RIC1: variants seen among roughly 807,000 people sequenced by gnomAD.
RIC1 encodes RIC1 partner of RAB6A GEF complex, also known as guanine nucleotide exchange factor subunit RIC1.
RIC1 carries 88 observed loss-of-function variants against 169.0 expected under a neutral mutation model. The observed-to-expected ratio is 0.52, with a 90% CI of 0.44 to 0.62. RIC1 has a LOEUF of 0.62. Ranked by LOEUF, RIC1 falls within the 20% of genes least tolerant of loss-of-function variation. The probability of loss-of-function intolerance (pLI) is 0.00; values close to 1 mark genes in which losing one functional copy is unlikely to be tolerated. For missense variants in RIC1, 1,877 were observed against 1,725.5 expected (o/e 1.09, Z -1.56); for synonymous variants, 790 against 601.5 (o/e 1.31, Z -4.59).
intron 2 of RIC1, among the ~76,000 whole-genome samples, chr9:5,674,034 C>T (rs2130588595): frequency 6.6e-6 from 1 of 152,218 alleles, no homozygotes; most frequent in Non-Finnish European, 1.5e-5. Context: ...GTTACATTAG[C>T]AGGCATTTAC....
chr9:5,690,955 A>G (rs185639177), intron 3 of RIC1, among the ~76,000 whole-genome samples: 2 of 152,040 alleles, frequency 1.3e-5, no homozygotes, highest in East Asian at 3.9e-4. Flanking sequence ...GTTAAATAAA[A>G]TAAACCCAAA....
chr9:5,651,351 G>T (rs1410010851), intron 1 of RIC1, among the ~76,000 whole-genome samples: 16 of 151,382 alleles, frequency 1.1e-4, no homozygotes, highest in African/African-American at 3.9e-4. Context: ...ACTCCTCCCT[G>T]TTTGGGTTTT....
Position 5,763,954 on chromosome 9 carries a change from G to A in RIC1, c.2841+86G>A. On this transcript the variant is annotated intron_variant, in intron 19 of 25. Transcript: ENST00000414202. The surrounding 1 kb of genome is among the most constrained non-coding windows in gnomAD (Gnocchi z 5.2). ...AATGTCCTGTTTTGACACCATGATT[G>A]TGTTTAAGGAATTCATAGTCAAATT... 7.1e-7 allele frequency: 1 copy of A among 1,415,152 alleles called. No homozygotes were observed. Among genetic ancestry groups the A allele is most frequent in the Non-Finnish European group, 9.5e-7 (1 of 1,048,464 alleles). The allele number at this position is 1,415,152 out of a possible 1,614,324, so 87.7% of individuals were successfully genotyped here. A position where few individuals can be genotyped will look rare whatever the true frequency, so the allele number is the denominator to read the frequency against.
At chr9:5,638,843 G>A (rs1818100412) in intron 1 of RIC1, among the ~76,000 whole-genome samples, 4 of 151,942 alleles carry the variant, frequency 2.6e-5, no homozygotes, top group South Asian at 4.2e-4. Context: ...TATTATTTCT[G>A]TTACTAATTT....
intron 12 of RIC1, among the ~76,000 whole-genome samples, chr9:5,752,737 A>G (rs957340906): frequency 6.6e-6 from 1 of 152,150 alleles, no homozygotes; most frequent in African/African-American, 2.4e-5. Flanking sequence ...CACCTGGCCT[A>G]AGCATTGCTG....
At chr9:5,660,438 A>G (rs1012124829) in intron 2 of RIC1, among the ~76,000 whole-genome samples, 2 of 152,218 alleles carry the variant, frequency 1.3e-5, no homozygotes, top group Admixed American at 6.5e-5. Flanking sequence ...ACTGTCTTCC[A>G]TAATGGTTGA....
In RIC1 at chr9:5,682,361, C is replaced by G. The variant is rs1426099647; in HGVS notation, c.253-7598C>G. On this transcript the variant is annotated intron_variant, in intron 2 of 25. Transcript: ENST00000414202. The stretch of plus-strand genomic sequence containing the variant: ...TCTTTTAAGGCAGGCCTGGTGGGGA[C>G]AAAATCTCTCAGCATTTGCCTGTCT... 5.3e-5 allele frequency among the ~76,000 whole-genome samples: 8 copies of G among 152,290 alleles called. No individual in the cohort carries two copies. The South Asian group carries it at 1.7e-3, about 32-fold the overall frequency.
intron 2 of RIC1, among the ~76,000 whole-genome samples, chr9:5,676,918 A>G (rs917099568): frequency 2.0e-5 from 3 of 152,226 alleles, no homozygotes; most frequent in African/African-American, 7.2e-5. Context: ...TGGTTTATCC[A>G]TTCATCTGTT....
rs368127614 is a variant in RIC1 at position 5,772,199 on chromosome 9, T to C, written c.3617-365T>C. Among the ~76,000 whole-genome samples, 34 of 152,324 alleles carry C rather than the reference T, an allele frequency of 2.2e-4. 1 individual carries two copies. In the East Asian group the frequency reaches 6.2e-3, roughly 28 times the overall value. ...ATGGAAGAAATTTGGTTTTGTGGAT[T>C]TTCTCACAATAATGATTTTGCTTAT... On this transcript the variant is annotated intron_variant, in intron 23 of 25. Transcript: ENST00000414202.
intron 17 of RIC1, among the ~76,000 whole-genome samples, chr9:5,762,003 C>A (rs1032418449): frequency 6.6e-6 from 1 of 152,198 alleles, no homozygotes; most frequent in Non-Finnish European, 1.5e-5. Flanking sequence ...GTAGTGGCTT[C>A]TTTCCTGCTG....
intron 15 of RIC1, among the ~76,000 whole-genome samples, chr9:5,755,899 G>C (rs969420135): frequency 2.0e-5 from 3 of 151,226 alleles, no homozygotes; most frequent in Non-Finnish European, 2.9e-5. Flanking sequence ...CTCCAGCCTG[G>C]GCAACAGAGT....
At chr9:5,777,349 G>C (rs1364501774), downstream of RIC1, among the ~76,000 whole-genome samples, 1 of 149,142 alleles carries the variant, frequency 6.7e-6, no homozygotes, top group South Asian at 2.1e-4. Context: ...TTGAAGGGGA[G>C]GATCTAATTC....
At chr9:5,758,722 CTTT>C (rs754931692) in intron 17 of RIC1, among the ~76,000 whole-genome samples, 1 of 98,420 alleles carries the variant, frequency 1.0e-5, no homozygotes, top group Non-Finnish European at 2.2e-5. Flanking sequence ...GGTCTCCCTT[CTTT>C]TTTTTTTTTT....
chr9:5,771,543 C>T (rs1827221671), intron 23 of RIC1, among the ~76,000 whole-genome samples: 1 of 151,992 alleles, frequency 6.6e-6, no homozygotes, highest in Non-Finnish European at 1.5e-5. Flanking sequence ...TATATATATC[C>T]AGAAATGGGA....
intron 1 of RIC1, among the ~76,000 whole-genome samples, chr9:5,655,727 G>A (rs749875461): frequency 1.1e-4 from 17 of 152,118 alleles, no homozygotes; most frequent in East Asian, 9.6e-4. Context: ...TTTGAATGCC[G>A]AACCAGGCTT....
In RIC1 at chr9:5,669,245, A is replaced by C. The variant is rs113773577; in HGVS notation, c.252+12555A>C. Among the ~76,000 whole-genome samples, 765 of 152,262 alleles carry C rather than the reference A, an allele frequency of 5.0e-3. 8 individuals carry two copies. The highest frequency in any genetic ancestry group is 0.017 in the African/African-American group (723 of 41,534). On this transcript the variant is annotated intron_variant, in intron 2 of 25. Transcript: ENST00000414202. ...TGCACCCATCACCCAAGCAGTGTAC[A>C]CTGTGTACCCAATTTGTAGTCTTTT...
At chr9:5,737,269 G>A (rs984086881) in intron 7 of RIC1, among the ~76,000 whole-genome samples, 2 of 146,128 alleles carry the variant, frequency 1.4e-5, no homozygotes, top group Non-Finnish European at 3.1e-5. Flanking sequence ...CTGGCTTCAG[G>A]CCCTTCAGAA....
intron 2 of RIC1, among the ~76,000 whole-genome samples, chr9:5,675,699 G>T (rs757382896): frequency 6.6e-6 from 1 of 150,504 alleles, no homozygotes; most frequent in Non-Finnish European, 1.5e-5. Flanking sequence ...GGAATTTTAG[G>T]GGGGAAAAAT....
At chr9:5,711,497 G>C (rs1312838881) in intron 3 of RIC1, among the ~76,000 whole-genome samples, 2 of 151,870 alleles carry the variant, frequency 1.3e-5, no homozygotes, top group African/African-American at 4.8e-5. Flanking sequence ...ACTCAGAGCT[G>C]TTATTTTAGG....
Sources: allele counts gnomAD v4.1 joint callset (sites outside exome capture counted in the v4.1 genomes callset), GRCh38; gene constraint gnomAD v4.1.1; non-coding constraint Gnocchi (gnomAD v3.1); transcripts MANE v1.5; gene names NCBI Gene and HGNC (gene_info 2026-07-23, HGNC 2026-07-21).